MACROD1: variants seen among roughly 807,000 people sequenced by gnomAD.
MACROD1 encodes the protein ADP-ribose glycohydrolase MACROD1.
MACROD1 carries 31 observed loss-of-function variants against 41.4 expected under a neutral mutation model. The ratio of observed to expected loss-of-function variants is 0.75; its 90% CI spans 0.56 to 1.01. MACROD1 has a LOEUF of 1.01. Ranked by LOEUF, MACROD1 falls within the 50% of genes least tolerant of loss-of-function variation. The pLI is 0.00. For synonymous variants in MACROD1, 252 were observed against 203.4 expected, an observed-to-expected ratio of 1.24 and a Z score of -2.03; for missense variants, 473 against 460.0, an observed-to-expected ratio of 1.03 and a Z score of -0.26.
At chr11:64,130,037 C>T (rs935054793) in intron 3 of MACROD1, among the ~76,000 whole-genome samples, 6 of 152,166 alleles carry the variant, frequency 3.9e-5, no homozygotes, top group Admixed American at 3.9e-4. Flanking sequence ...AGAGCCCTGA[C>T]ACCATGTCTT....
chr11:64,133,260 CG>C (rs1565252961), intron 3 of MACROD1, among the ~76,000 whole-genome samples: 2 of 152,186 alleles, frequency 1.3e-5, no homozygotes, highest in Non-Finnish European at 2.9e-5. Flanking sequence ...AGGAAGGTTG[CG>C]TCCACCTCAG....
chr11:64,015,245 C>T lies in MACROD1; in HGVS notation c.547+7G>A, dbSNP rs757546232. ...CCCACCCCCACCAAGACAGAAGGTC[C>T]ACTCACCGCCACCGCCTCCGAGCAG... On this transcript the variant is annotated splice_region_variant and intron_variant, in intron 4 of 10. Coordinates refer to ENST00000255681, the MANE Select transcript of MACROD1 (RefSeq NM_014067.4). 1.4e-5 allele frequency: 22 copies of T among 1,600,342 alleles called. No homozygotes were observed. In the Middle Eastern group the frequency reaches 5.0e-4, roughly 36 times the overall value.
At position 64,155,831 on chromosome 11, in the gene MACROD1, G is replaced by A. The variant is rs1003886462; in HGVS notation, c.299-3438C>T. 5.3e-5 allele frequency among the ~76,000 whole-genome samples: 8 copies of A among 151,580 alleles called. No individual in the cohort carries two copies. The South Asian group carries it at 8.4e-4, about 16-fold the overall frequency. ...AATACAAAAAATCAGCTGAGCGGCC[G>A]GGCATGGTGGCTCACACCTGTAATC... On this transcript the variant is annotated intron_variant, in intron 1 of 10. Coordinates refer to ENST00000255681, the MANE Select transcript of MACROD1 (RefSeq NM_014067.4).
intron 3 of MACROD1, among the ~76,000 whole-genome samples, chr11:64,078,841 C>T (rs912576784): frequency 3.3e-5 from 5 of 152,158 alleles, no homozygotes; most frequent in Non-Finnish European, 7.4e-5. Flanking sequence ...CTTGAGGACA[C>T]ATAGCTGGCC....
chr11:64,165,751 C>T lies in MACROD1; in HGVS notation c.244G>A (p.Ala82Thr). 1 of 1,498,414 alleles carries T rather than the reference C, an allele frequency of 6.7e-7. No individual in the cohort carries two copies. 92.8% of individuals were successfully genotyped at this position (1,498,414 alleles called of 1,614,324 possible). A position where few individuals can be genotyped will look rare whatever the true frequency, so the allele number is the denominator to read the frequency against. Residue 82 changes from alanine (A) to threonine (T), a missense_variant, in exon 1 of 11, where the codon GCC becomes ACC. Coordinates refer to ENST00000255681, the MANE Select transcript of MACROD1 (RefSeq NM_014067.4). ...CTCAGGTCCACCTTCGCCGCCATGG[C>T]CAGGGGGGCCCAAGTGCGCACCCCG... is the stretch of plus-strand genomic sequence containing the variant. ...TAGVRTWAPL[A>T]MAAKVDLSTS...
In MACROD1 at chr11:63,998,830, C is replaced by T; in HGVS notation, c.*30+8G>A. 2 of 1,565,226 alleles carry T rather than the reference C, an allele frequency of 1.3e-6. No individual in the cohort carries two copies. Among genetic ancestry groups the T allele is most frequent in the Non-Finnish European group, 1.7e-6 (2 of 1,159,570 alleles). ...CGGGGCCGCCGCACGGGGCGAGGCC[C>T]TGCTTACCAGTCCCGGTCAGGGTGG... On this transcript the variant is annotated splice_region_variant and intron_variant, in intron 10 of 10. Coordinates refer to ENST00000255681, the MANE Select transcript of MACROD1 (RefSeq NM_014067.4).
chr11:64,058,171 T>C (rs544578243), intron 3 of MACROD1, among the ~76,000 whole-genome samples: 1 of 152,370 alleles, frequency 6.6e-6, no homozygotes, highest in East Asian at 1.9e-4. Context: ...TGGAATGCTG[T>C]CCACCCACGA....
chr11:64,098,853 G>A (rs1447180259), intron 3 of MACROD1, among the ~76,000 whole-genome samples: 1 of 152,182 alleles, frequency 6.6e-6, no homozygotes, highest in South Asian at 2.1e-4. Flanking sequence ...AGCCCACCTG[G>A]GTTTCTAGCA....
chr11:64,137,047 C>CAGA (rs1440609657), intron 3 of MACROD1, among the ~76,000 whole-genome samples: 1 of 152,264 alleles, frequency 6.6e-6, no homozygotes, highest in African/African-American at 2.4e-5. Flanking sequence ...CCGCTTTTCT[C>CAGA]AGCAGGAACA....
intron 4 of MACROD1, among the ~76,000 whole-genome samples, chr11:64,014,110 G>A (rs1467970819): frequency 1.3e-5 from 2 of 152,154 alleles, no homozygotes; most frequent in Non-Finnish European, 2.9e-5. Flanking sequence ...CCAGCTCGGG[G>A]CCCGGCACAC....
chr11:64,095,108 C>G (rs1417035792), intron 3 of MACROD1, among the ~76,000 whole-genome samples: 1 of 152,204 alleles, frequency 6.6e-6, no homozygotes, highest in Non-Finnish European at 1.5e-5. Context: ...CTAAGGAAAC[C>G]TCAGAGGAAA....
In MACROD1 at chr11:64,022,176, G is replaced by A. The variant is rs144028039; in HGVS notation, c.518-6895C>T. Among the ~76,000 whole-genome samples, 242 of 152,062 alleles carry A rather than the reference G, an allele frequency of 1.6e-3. 3 individuals are homozygous for A. The East Asian group carries it at 0.037, about 23-fold the overall frequency. ...TAGTGAGAAATGGGAGCTGCTGGGGGGTTTAGACAGAGGAGGGATGAACCG... is the reference window on the plus strand; with the variant it reads ...TAGTGAGAAATGGGAGCTGCTGGGGAGTTTAGACAGAGGAGGGATGAACCG... On this transcript the variant is annotated intron_variant, in intron 3 of 10. Transcript: ENST00000255681.
chr11:64,146,215 G>A lies in MACROD1; in HGVS notation c.517+5024C>T, dbSNP rs573433638. On this transcript the variant is annotated intron_variant, in intron 3 of 10. Transcript: ENST00000255681. This position sits in a 1 kb window ranked among gnomAD's most constrained non-coding sequence, Gnocchi z 4.7. Reference sequence around the variant, plus strand: ...GCCTAGTCAAGGTCACTGCACCCCCGTGGTAAAAAGGAGACATAAACACCC... The same window carrying A: ...GCCTAGTCAAGGTCACTGCACCCCCATGGTAAAAAGGAGACATAAACACCC... Among the ~76,000 whole-genome samples the A allele has an allele frequency of 9.9e-5, 15 of 152,256 alleles. No individual in the cohort carries two copies. In the East Asian group the frequency reaches 1.5e-3, roughly 16 times the overall value.
intron 3 of MACROD1, among the ~76,000 whole-genome samples, chr11:64,073,993 A>T (rs1944156170): frequency 6.6e-6 from 1 of 152,100 alleles, no homozygotes; most frequent in Non-Finnish European, 1.5e-5. Flanking sequence ...CACAAGGCAG[A>T]GGCGTCTGGC....
chr11:63,999,524 A>G lies in MACROD1; in HGVS notation c.817+6T>C. 1 of 1,606,522 alleles carries G rather than the reference A, an allele frequency of 6.2e-7. No homozygotes were observed. Among genetic ancestry groups the G allele is most frequent in the Non-Finnish European group, 8.5e-7 (1 of 1,177,292 alleles). ...CTCCTGGTCCTTGCCTTTCTTCCAG[A>G]CTCACCAAACACGCCGGTGGAGATG... On this transcript the variant is annotated splice_donor_region_variant and intron_variant, in intron 7 of 10. Coordinates refer to ENST00000255681, the MANE Select transcript of MACROD1 (RefSeq NM_014067.4).
At chr11:64,038,452 G>C (rs1943424505) in intron 3 of MACROD1, among the ~76,000 whole-genome samples, 1 of 152,210 alleles carries the variant, frequency 6.6e-6, no homozygotes, top group Non-Finnish European at 1.5e-5. Context: ...GAGAGGACTA[G>C]GGCTCCAGGT....
intron 4 of MACROD1, among the ~76,000 whole-genome samples, chr11:64,006,451 G>C (rs1056843417): frequency 2.0e-5 from 3 of 152,230 alleles, no homozygotes; most frequent in Admixed American, 6.5e-5. Flanking sequence ...GTGGGTGCCC[G>C]GGGGAGAAGA....
At chr11:64,005,443 C>T (rs907841238) in intron 4 of MACROD1, among the ~76,000 whole-genome samples, 2 of 152,240 alleles carry the variant, frequency 1.3e-5, no homozygotes, top group Admixed American at 1.3e-4. Context: ...AGCTCTTGCC[C>T]CTGGCCCCCA....
chr11:64,071,647 A>T (rs2134463402), intron 3 of MACROD1, among the ~76,000 whole-genome samples: 1 of 152,082 alleles, frequency 6.6e-6, no homozygotes, highest in African/African-American at 2.4e-5. Flanking sequence ...CTGTTTCCCC[A>T]TTTGTGAAGT....
Sources: allele counts gnomAD v4.1 joint callset (sites outside exome capture counted in the v4.1 genomes callset), GRCh38; gene constraint gnomAD v4.1.1; non-coding constraint Gnocchi (gnomAD v3.1); transcripts MANE v1.5; gene names NCBI Gene and HGNC (gene_info 2026-07-23, HGNC 2026-07-21).